SLC24A3: variants seen among roughly 807,000 people sequenced by gnomAD.
The protein encoded by SLC24A3 is solute carrier family 24 member 3.
SLC24A3 carries 28 observed loss-of-function variants against 75.8 expected under a neutral mutation model. That is an observed-to-expected ratio of 0.37 (90% CI 0.27 to 0.51). The LOEUF is 0.51. Among genes scored for constraint, SLC24A3 ranks in the 20% least tolerant of loss-of-function variants. SLC24A3 has a pLI of 0.94. For synonymous variants in SLC24A3, 372 were observed against 334.1 expected, an observed-to-expected ratio of 1.11 and a Z score of -1.24; for missense variants, 663 against 847.8, an observed-to-expected ratio of 0.78 and a Z score of 2.71.
At chr20:19,285,527 G>A (rs1247044525) in intron 2 of SLC24A3, among the ~76,000 whole-genome samples, 2 of 129,854 alleles carry the variant, frequency 1.5e-5, no homozygotes, top group Admixed American at 7.8e-5. Flanking sequence ...GCCCCTTGAA[G>A]ACCTAGTTTT....
At chr20:19,684,057 G>A in intron 10 of SLC24A3, 119 bp from the exon 11 acceptor site, 1 of 1,140,566 alleles carries the variant, frequency 8.8e-7, no homozygotes, top group Non-Finnish European at 1.3e-6. Context: ...AGATGGATGG[G>A]TGAATGGATG....
At chr20:19,233,117 TC>T (rs1461824254) in intron 1 of SLC24A3, among the ~76,000 whole-genome samples, 2 of 152,232 alleles carry the variant, frequency 1.3e-5, no homozygotes, top group Non-Finnish European at 2.9e-5. Context: ...TACTGACTGT[TC>T]CTCTGATAAC....
At chr20:19,319,385 C>G (rs1214915588) in intron 2 of SLC24A3, among the ~76,000 whole-genome samples, 1 of 152,240 alleles carries the variant, frequency 6.6e-6, no homozygotes, top group East Asian at 1.9e-4. Context: ...ACCTGAAACT[C>G]AGATGTGGCT....
intron 16 of SLC24A3, among the ~76,000 whole-genome samples, 177 bp from the exon 17 acceptor site, chr20:19,720,814 T>C (rs556877225): frequency 2.1e-4 from 32 of 152,110 alleles, no homozygotes; most frequent in Non-Finnish European, 2.9e-4. Context: ...GATGTTGATG[T>C]TCTCACCTCC....
chr20:19,317,902 A>G (rs955724996), intron 2 of SLC24A3, among the ~76,000 whole-genome samples: 1 of 152,208 alleles, frequency 6.6e-6, no homozygotes, highest in Non-Finnish European at 1.5e-5. Flanking sequence ...GTGCCTGCCC[A>G]TGGTTCCTTG....
chr20:19,455,885 A>G (rs1987569947), intron 2 of SLC24A3, among the ~76,000 whole-genome samples: 1 of 152,256 alleles, frequency 6.6e-6, no homozygotes, highest in Non-Finnish European at 1.5e-5. Context: ...AAGTGTCAGT[A>G]TAATATATAA....
intron 1 of SLC24A3, among the ~76,000 whole-genome samples, chr20:19,234,997 C>A (rs1275948109): frequency 6.6e-6 from 1 of 152,210 alleles, no homozygotes. Context: ...ATTGTAAACT[C>A]ACACACACTG....
intron 3 of SLC24A3, among the ~76,000 whole-genome samples, chr20:19,516,395 T>C (rs1410853319): frequency 6.6e-6 from 1 of 152,246 alleles, no homozygotes; most frequent in Non-Finnish European, 1.5e-5. Context: ...AATTCCATTC[T>C]AGTTATTTAT....
chr20:19,657,868 A>G (rs2032283174), intron 7 of SLC24A3, among the ~76,000 whole-genome samples: 1 of 152,118 alleles, frequency 6.6e-6, no homozygotes. Flanking sequence ...CCCTTAGGTA[A>G]TACTAAGTTT....
Position 19,627,945 on chromosome 20 carries a change from C to A in SLC24A3, c.613-26117C>A, listed in dbSNP as rs571510470. 5.9e-5 allele frequency among the ~76,000 whole-genome samples: 9 copies of A among 152,026 alleles called. 1 individual carries two copies. In the East Asian group the frequency reaches 1.4e-3, roughly 23 times the overall value. ...GGGAGTTGTGGCTCACTCCTGTAATCCCAGAACTTTGGGAGGCTGAGGCGG... is the reference window on the plus strand; with the variant it reads ...GGGAGTTGTGGCTCACTCCTGTAATACCAGAACTTTGGGAGGCTGAGGCGG... On this transcript the variant is annotated intron_variant, in intron 6 of 16. Coordinates refer to ENST00000328041, the MANE Select transcript of SLC24A3 (RefSeq NM_020689.4).
intron 2 of SLC24A3, among the ~76,000 whole-genome samples, chr20:19,488,189 A>G (rs1988155767): frequency 1.3e-5 from 2 of 152,198 alleles, no homozygotes; most frequent in Admixed American, 1.3e-4. Context: ...AGCTATAATC[A>G]TGGGACCTCA....
In SLC24A3 at chr20:19,212,853, C is replaced by T; in HGVS notation, c.11C>T (p.Ser4Phe). The T allele has an allele frequency of 8.9e-7, 1 of 1,129,710 alleles. No individual in the cohort carries two copies. Among genetic ancestry groups the T allele is most frequent in the Non-Finnish European group, 1.1e-6 (1 of 922,068 alleles). 70.0% of individuals were successfully genotyped at this position (1,129,710 alleles called of 1,614,324 possible). Residue 4 changes from serine (S) to phenylalanine (F), a missense_variant, in exon 1 of 17, where the codon TCC (serine) becomes TTC (phenylalanine). By Grantham distance (155) the Ser-to-Phe change is radical. This residue lies in a region of SLC24A3 where 153 missense variants were observed against 144.2 expected (regional missense o/e 1.06). Coordinates refer to ENST00000328041, the MANE Select transcript of SLC24A3 (RefSeq NM_020689.4). Reference protein sequence around the residue: MRPSGDEDRARRRR... With the variant: MRPFGDEDRARRRR... The stretch of plus-strand genomic sequence containing the variant: ...CCCGGCCGCCCGAGGATGCGGCCGT[C>T]CGGCGACGAGGACCGCGCGCGTCGC...
chr20:19,444,412 C>A (rs1987347275), intron 2 of SLC24A3, among the ~76,000 whole-genome samples: 1 of 152,188 alleles, frequency 6.6e-6, no homozygotes, highest in South Asian at 2.1e-4. Flanking sequence ...GATGTAATTT[C>A]TTCCTTAAAG....
At chr20:19,505,937 A>G (rs1215229784) in intron 2 of SLC24A3, among the ~76,000 whole-genome samples, 1 of 152,132 alleles carries the variant, frequency 6.6e-6, no homozygotes, top group East Asian at 1.9e-4. Flanking sequence ...CTCCCTCTCC[A>G]TTATTTAATA....
rs1347620472 is a variant in SLC24A3 at position 19,515,518 on chromosome 20, C to A, written c.302C>A (p.Thr101Lys). The change falls in exon 3 of 17, where the codon ACA (threonine) becomes AAA (lysine). Residue 101 changes from threonine (T) to lysine (K), a missense_variant. Physicochemically the swap from Thr to Lys is moderately conservative, Grantham distance 78. Coordinates refer to ENST00000328041, the MANE Select transcript of SLC24A3 (RefSeq NM_020689.4). ...CATGAATTCCCCAATGACATCTTCA[C>A]AAACGAGGATAGAAGACAAGGTGCG... ...ALHEFPNDIF[T>K]NEDRRQGAVV... is the part of the protein sequence containing the mutation. 4 of 1,614,198 alleles carry A rather than the reference C, an allele frequency of 2.5e-6. No homozygotes were observed.
chr20:19,277,619 G>C (rs950094221), intron 1 of SLC24A3, among the ~76,000 whole-genome samples: 22 of 152,164 alleles, frequency 1.4e-4, no homozygotes, highest in South Asian at 4.1e-4. Flanking sequence ...TATTACATCA[G>C]CCATCAGTGG....
chr20:19,518,412 C>A (rs1196973483), intron 3 of SLC24A3, among the ~76,000 whole-genome samples: 2 of 152,192 alleles, frequency 1.3e-5, no homozygotes. Context: ...TGACGAGGGT[C>A]TATACAGCGT....
intron 15 of SLC24A3, among the ~76,000 whole-genome samples, chr20:19,714,665 A>AG (rs1202213761): frequency 6.6e-6 from 1 of 152,210 alleles, no homozygotes; most frequent in African/African-American, 2.4e-5. Flanking sequence ...TCATGACCAA[A>AG]GGAAGGCCAT....
intron 2 of SLC24A3, among the ~76,000 whole-genome samples, chr20:19,497,249 C>T (rs143130435): frequency 1.3e-5 from 2 of 152,316 alleles, no homozygotes; most frequent in East Asian, 3.9e-4. Context: ...ACATTTCCGG[C>T]ACTCAAATAA....
Sources: allele counts gnomAD v4.1 joint callset (sites outside exome capture counted in the v4.1 genomes callset), GRCh38; gene constraint gnomAD v4.1.1; regional missense constraint gnomAD v4.1.1; transcripts MANE v1.5; gene names NCBI Gene and HGNC (gene_info 2026-07-23, HGNC 2026-07-21).